CSMD1: variants seen among roughly 807,000 people sequenced by gnomAD.
CSMD1 encodes CUB and Sushi multiple domains 1, also known as CUB and sushi domain-containing protein 1.
CSMD1 carries 213 observed loss-of-function variants against 417.5 expected under a neutral mutation model. The ratio of observed to expected loss-of-function variants is 0.51; its 90% CI spans 0.46 to 0.57. CSMD1 has a LOEUF of 0.57. Among genes scored for constraint, CSMD1 ranks in the 20% least tolerant of loss-of-function variants. CSMD1 has a pLI of 0.00. For synonymous variants in CSMD1, 2,862 were observed against 1,736.8 expected (o/e 1.65, Z -16.11); for missense variants, 6,923 against 4,529.7 (o/e 1.53, Z -15.17).
chr8:3,623,327 T>C (rs955882337), intron 7 of CSMD1, among the ~76,000 whole-genome samples: 2 of 152,172 alleles, frequency 1.3e-5, no homozygotes, highest in African/African-American at 4.8e-5. Flanking sequence ...ACATGCCATG[T>C]AAGTATCAAT....
At chr8:3,790,594 T>C (rs145857989) in intron 5 of CSMD1, among the ~76,000 whole-genome samples, 11 of 152,298 alleles carry the variant, frequency 7.2e-5, no homozygotes, top group Non-Finnish European at 1.0e-4. Flanking sequence ...GTTTTTGGCA[T>C]ACACAACAAT....
rs188934013 is a variant in CSMD1 at position 4,751,136 on chromosome 8, G to A, written c.86-113578C>T. Among the ~76,000 whole-genome samples, 677 of 152,332 alleles carry A rather than the reference G, an allele frequency of 4.4e-3. 4 individuals are homozygous for A. The highest frequency in any genetic ancestry group is 0.016 in the African/African-American group (648 of 41,578). On this transcript the variant is annotated intron_variant, in intron 1 of 69. Coordinates refer to ENST00000635120, the MANE Select transcript of CSMD1 (RefSeq NM_033225.6). The stretch of plus-strand genomic sequence containing the variant: ...GCAGTGGCTCAGGCCTGTAATCCCA[G>A]CACTTTGGGAGGCCGAGGTGGGTGG...
chr8:3,433,627 G>T (rs1345993954), intron 12 of CSMD1, among the ~76,000 whole-genome samples: 1 of 152,046 alleles, frequency 6.6e-6, no homozygotes. Context: ...TTTATGTCTT[G>T]GCCCATCAGA....
At chr8:4,431,929 T>G (rs1015381671) in intron 2 of CSMD1, among the ~76,000 whole-genome samples, 1 of 152,190 alleles carries the variant, frequency 6.6e-6, no homozygotes, top group Non-Finnish European at 1.5e-5. Context: ...AAATGGGAAT[T>G]ACTTCAAATA....
chr8:3,558,359 ATGATGAATGGTG>A (rs1799271789), intron 10 of CSMD1, among the ~76,000 whole-genome samples: 2 of 122,354 alleles, frequency 1.6e-5, no homozygotes, highest in East Asian at 4.2e-4. Flanking sequence ...CACTCCTCCA[ATGATGAATGGTG>A]CCTCAGTAGT....
At chr8:4,569,572 T>C (rs1165126489) in intron 2 of CSMD1, among the ~76,000 whole-genome samples, 1 of 152,216 alleles carries the variant, frequency 6.6e-6, no homozygotes, top group Non-Finnish European at 1.5e-5. Context: ...TGAAGTCAGG[T>C]AGTATGACGC....
chr8:4,978,513 G>A (rs1314823994), intron 1 of CSMD1, among the ~76,000 whole-genome samples: 2 of 152,146 alleles, frequency 1.3e-5, no homozygotes, highest in African/African-American at 4.8e-5. Flanking sequence ...CCTTGAAAAA[G>A]CTAACAGATT....
chr8:3,434,140 C>A (rs1441735835), intron 12 of CSMD1, among the ~76,000 whole-genome samples: 1 of 152,188 alleles, frequency 6.6e-6, no homozygotes, highest in Non-Finnish European at 1.5e-5. Context: ...CTTTGAGGTT[C>A]TCTGGCAGTA....
intron 3 of CSMD1, among the ~76,000 whole-genome samples, chr8:4,237,795 G>C (rs545614831): frequency 1.7e-3 from 252 of 152,266 alleles, no homozygotes; most frequent in African/African-American, 5.8e-3. Context: ...TTGTAGACAT[G>C]GGCCACAGTA....
intron 2 of CSMD1, among the ~76,000 whole-genome samples, chr8:4,614,948 A>G (rs1043246955): frequency 1.3e-5 from 2 of 152,192 alleles, no homozygotes; most frequent in Non-Finnish European, 2.9e-5. Flanking sequence ...TGAATTTTCT[A>G]TGATTTGTCT....
intron 1 of CSMD1, among the ~76,000 whole-genome samples, chr8:4,760,767 A>G (rs1360732682): frequency 6.6e-6 from 1 of 152,208 alleles, no homozygotes; most frequent in Admixed American, 6.5e-5. Context: ...GCTAAGTTTT[A>G]GAACTAAATT....
chr8:4,729,933 G>T (rs549655138), intron 1 of CSMD1, among the ~76,000 whole-genome samples: 5 of 152,190 alleles, frequency 3.3e-5, no homozygotes, highest in African/African-American at 1.2e-4. Flanking sequence ...CCTTTCCATG[G>T]AATGACTTGT....
At chr8:2,975,405 A>T (rs568532355) in intron 55 of CSMD1, among the ~76,000 whole-genome samples, 1 of 152,196 alleles carries the variant, frequency 6.6e-6, no homozygotes, top group South Asian at 2.1e-4. Context: ...AACCGATTTG[A>T]GACTACCAAG....
At chr8:3,151,774 G>A (rs1020735667) in intron 39 of CSMD1, among the ~76,000 whole-genome samples, 1 of 152,172 alleles carries the variant, frequency 6.6e-6, no homozygotes, top group African/African-American at 2.4e-5. Flanking sequence ...TCCCAGTAAA[G>A]ATGAGTCCAT....
chr8:3,242,475 C>G (rs1393425948), intron 26 of CSMD1, among the ~76,000 whole-genome samples: 2 of 152,118 alleles, frequency 1.3e-5, no homozygotes, highest in East Asian at 3.9e-4. Context: ...GCACCTCAGA[C>G]CATTTGCCCA....
chr8:3,060,035 T>G (rs1408319355), intron 49 of CSMD1, among the ~76,000 whole-genome samples: 7 of 152,146 alleles, frequency 4.6e-5, no homozygotes, highest in African/African-American at 1.7e-4. Context: ...GAAGTATTTC[T>G]AACATTTACC....
chr8:3,410,287 A>G (rs1812602747), intron 12 of CSMD1, among the ~76,000 whole-genome samples: 2 of 152,234 alleles, frequency 1.3e-5, no homozygotes, highest in Admixed American at 1.3e-4. Context: ...TTTGAGAGCC[A>G]CTGTGTGTCA....
At chr8:4,488,455 A>C (rs1419873526) in intron 2 of CSMD1, among the ~76,000 whole-genome samples, 2 of 152,150 alleles carry the variant, frequency 1.3e-5, no homozygotes, top group African/African-American at 4.8e-5. Context: ...TAGTATGCTC[A>C]AATGAATATT....
chr8:4,891,102 G>A (rs553717309), intron 1 of CSMD1, among the ~76,000 whole-genome samples: 7 of 152,232 alleles, frequency 4.6e-5, no homozygotes, highest in African/African-American at 1.2e-4. Flanking sequence ...TTTGGAACTA[G>A]CAAAGCCTTC....
Sources: gnomAD v4.1 joint callset for allele counts (sites outside exome capture counted in the v4.1 genomes callset) on GRCh38, gnomAD v4.1.1 for gene constraint, MANE v1.5 for transcripts, NCBI Gene and HGNC (gene_info 2026-07-23, HGNC 2026-07-21) for gene names.